Variants in BSN observed in about 807,000 individuals in gnomAD.
The protein encoded by BSN is bassoon presynaptic cytomatrix protein.
In BSN, 57 loss-of-function variants were observed where a neutral mutation model predicts 264.8. That is an observed-to-expected ratio of 0.22 (90% CI 0.17 to 0.27). The LOEUF is 0.27. Ranked by LOEUF, BSN falls within the 10% of genes least tolerant of loss-of-function variation. The pLI is 1.00. For synonymous variants in BSN, 2,059 were observed against 2,137.3 expected, an observed-to-expected ratio of 0.96 and a Z score of 1.01; for missense variants, 4,615 against 5,232.5, an observed-to-expected ratio of 0.88 and a Z score of 3.64.
rs535805005 is a variant in BSN, at chr3:49,563,253, G to C, written c.224+8427G>C. Among the ~76,000 whole-genome samples the C allele has an allele frequency of 7.5e-3, 1,148 of 152,310 alleles. 7 individuals carry two copies. The highest frequency in any genetic ancestry group is 0.012 in the Non-Finnish European group (813 of 68,020). On this transcript the variant is annotated intron_variant, in intron 1 of 11. Coordinates refer to ENST00000296452, the MANE Select transcript of BSN (RefSeq NM_003458.4). ...ACCTCTGGGTTGCTTCTGGTAGGCA[G>C]GGGCTCTCGGAAAACTGATGGCCTC...
chr3:49,606,607 G>C (rs2052154617), intron 1 of BSN, among the ~76,000 whole-genome samples: 1 of 151,894 alleles, frequency 6.6e-6, no homozygotes. Flanking sequence ...AGCTCCCAGT[G>C]AGGACCTGAC....
chr3:49,569,406 A>G (rs2051779568), intron 1 of BSN, among the ~76,000 whole-genome samples: 1 of 152,228 alleles, frequency 6.6e-6, no homozygotes, highest in Non-Finnish European at 1.5e-5. Flanking sequence ...AACATTGGAA[A>G]TGAAAGCACT....
chr3:49,657,370 G>A lies in BSN; in HGVS notation c.7814G>A (p.Arg2605Gln), dbSNP rs568652610. 1.3e-5 allele frequency: 21 copies of A among 1,613,314 alleles called. No homozygotes were observed. The highest frequency in any genetic ancestry group is 2.7e-5 in the African/African-American group (2 of 75,068). The change falls in exon 5 of 12, where the codon CGG becomes CAG. Residue 2605 changes from arginine (R) to glutamine (Q), a missense_variant. Coordinates refer to ENST00000296452, the MANE Select transcript of BSN (RefSeq NM_003458.4). The stretch of plus-strand genomic sequence containing the variant: ...CTCTTGAGTCGGCGACGCCGGGCAC[G>A]GCGGAGTGCTGACTGCAGTGTGCAG... ...RYLLSRRRRARRSADCSVQTD... is the reference protein window; with the variant it reads ...RYLLSRRRRAQRSADCSVQTD...
Position 49,554,560 on chromosome 3 carries a change from C to G in BSN, c.-43C>G, listed in dbSNP as rs1307554990. On this transcript the variant is annotated 5_prime_UTR_variant, in exon 1 of 12. Transcript: ENST00000296452. Reference sequence around the variant, plus strand: ...GAGCACCGCCCGGGAGCCGCCGGCCCGGGCGCAGCGCGACCCCGACCCCGC... The same window carrying G: ...GAGCACCGCCCGGGAGCCGCCGGCCGGGGCGCAGCGCGACCCCGACCCCGC... 2.5e-6 allele frequency: 2 copies of G among 801,186 alleles called. No homozygotes were observed. The highest frequency in any genetic ancestry group is 3.0e-6 in the Non-Finnish European group (2 of 661,972). 49.6% of individuals were successfully genotyped at this position (801,186 alleles called of 1,614,324 possible). A position where few individuals can be genotyped will look rare whatever the true frequency, so the allele number is the denominator to read the frequency against.
chr3:49,606,206 T>A, intron 1 of BSN, among the ~76,000 whole-genome samples: 1 of 62,672 alleles, frequency 1.6e-5, no homozygotes, highest in Non-Finnish European at 2.8e-5. Context: ...ACATATATTA[T>A]ATATGTATAT....
intron 1 of BSN, among the ~76,000 whole-genome samples, chr3:49,601,931 G>C (rs530696533): frequency 1.3e-5 from 2 of 152,326 alleles, no homozygotes; most frequent in Admixed American, 6.5e-5. Context: ...TGAGCTATAA[G>C]AGAAGCAGGA....
chr3:49,665,405 T>G (rs1191368011), intron 11 of BSN, 87 bp downstream of exon 11: 2 of 152,362 alleles, frequency 1.3e-5, no homozygotes, highest in Non-Finnish European at 2.9e-5. Flanking sequence ...TTCTGACAAG[T>G]GTGAACTGGG....
rs2052740429 is a variant in BSN, at chr3:49,669,534, C to G, written c.*2049C>G. On this transcript the variant is annotated 3_prime_UTR_variant, in exon 12 of 12. Coordinates refer to ENST00000296452, the MANE Select transcript of BSN (RefSeq NM_003458.4). ...AGAGAGGCAGAGGCAAGAGCAGAGC[C>G]AGGCTGTGCCCGAGGGACCCCAGCT... is the stretch of plus-strand genomic sequence containing the variant. 1 of 152,638 alleles carries G rather than the reference C, an allele frequency of 6.6e-6. No individual in the cohort carries two copies. Among genetic ancestry groups the G allele is most frequent in the Non-Finnish European group, 1.5e-5 (1 of 68,074 alleles). The allele number at this position is 152,638 out of a possible 1,614,324, so 9.5% of individuals were successfully genotyped here. A position where few individuals can be genotyped will look rare whatever the true frequency, so the allele number is the denominator to read the frequency against.
At chr3:49,641,294 C>G (rs1323805753) in intron 2 of BSN, among the ~76,000 whole-genome samples, 3 of 152,202 alleles carry the variant, frequency 2.0e-5, no homozygotes, top group African/African-American at 7.2e-5. Flanking sequence ...TTCTTAGCAT[C>G]TCTCTGTATG....
chr3:49,654,538 C>T lies in BSN; in HGVS notation c.4982C>T (p.Pro1661Leu). The T allele has an allele frequency of 6.2e-7, 1 of 1,610,726 alleles. No individual in the cohort carries two copies. The highest frequency in any genetic ancestry group is 8.5e-7 in the Non-Finnish European group (1 of 1,178,280). ...AGGGTTGAGCCAGGCCCCAGGACCCCTGGCACTGCAGTGGTAGACCTCCGT... is the reference window on the plus strand; with the variant it reads ...AGGGTTGAGCCAGGCCCCAGGACCCTTGGCACTGCAGTGGTAGACCTCCGT... ...TSRVEPGPRT[P>L]GTAVVDLRTA... The change falls in exon 5 of 12, where the codon CCT becomes CTT. Residue 1661 changes from proline to leucine, a missense_variant. Transcript: ENST00000296452. This position sits in a 1 kb window ranked among gnomAD's most constrained non-coding sequence, Gnocchi z 4.1.
At chr3:49,605,713 A>ATG (rs1366755470) in intron 1 of BSN, among the ~76,000 whole-genome samples, 28 of 58,680 alleles carry the variant, frequency 4.8e-4, no homozygotes, top group South Asian at 6.1e-4. Flanking sequence ...TATAAAATAT[A>ATG]TAACATATAA....
chr3:49,599,026 G>C (rs1274083935), intron 1 of BSN, among the ~76,000 whole-genome samples: 1 of 152,156 alleles, frequency 6.6e-6, no homozygotes, highest in South Asian at 2.1e-4. Context: ...GATTGCTTCT[G>C]AGAGGTTGGA....
At chr3:49,630,453 C>T (rs1446503690) in intron 2 of BSN, among the ~76,000 whole-genome samples, 7 of 152,234 alleles carry the variant, frequency 4.6e-5, no homozygotes, top group Non-Finnish European at 8.8e-5. Context: ...ACTCTCCAAA[C>T]TTTAGTCACT....
intron 1 of BSN, among the ~76,000 whole-genome samples, chr3:49,598,470 T>A (rs1055100837): frequency 3.9e-5 from 6 of 152,242 alleles, no homozygotes; most frequent in Non-Finnish European, 7.3e-5. Context: ...CAACAATTGA[T>A]GAAATCTTGT....
At chr3:49,594,071 C>T (rs375059904) in intron 1 of BSN, among the ~76,000 whole-genome samples, 28 of 152,168 alleles carry the variant, frequency 1.8e-4, no homozygotes, top group African/African-American at 6.0e-4. Flanking sequence ...GGATTACAGG[C>T]GTGAGCCACC....
At chr3:49,566,901 TG>T (rs1298015538) in intron 1 of BSN, among the ~76,000 whole-genome samples, 1 of 150,996 alleles carries the variant, frequency 6.6e-6, no homozygotes, top group Non-Finnish European at 1.5e-5. Flanking sequence ...CATTCACTAA[TG>T]ATCCTTAGCT....
At chr3:49,584,286 T>C (rs966691633) in intron 1 of BSN, among the ~76,000 whole-genome samples, 1 of 3,124 alleles carries the variant, frequency 3.2e-4, no homozygotes, top group Non-Finnish European at 5.6e-4. Flanking sequence ...GGCTTATTGA[T>C]TTTTTTTTTA....
At chr3:49,612,938 G>C (rs533992578) in intron 1 of BSN, among the ~76,000 whole-genome samples, 20 of 152,264 alleles carry the variant, frequency 1.3e-4, no homozygotes, top group African/African-American at 4.3e-4. Flanking sequence ...TTTCAGACCA[G>C]CCTGACCAAC....
chr3:49,579,767 A>T (rs1179116733), intron 1 of BSN, among the ~76,000 whole-genome samples: 2 of 107,868 alleles, frequency 1.9e-5, no homozygotes, highest in African/African-American at 2.8e-5. Context: ...CTAGTCTGTT[A>T]AATTTTTTTA....
Sources: allele counts gnomAD v4.1 joint callset (sites outside exome capture counted in the v4.1 genomes callset), GRCh38; gene constraint gnomAD v4.1.1; non-coding constraint Gnocchi (gnomAD v3.1); transcripts MANE v1.5; gene names NCBI Gene and HGNC (gene_info 2026-07-23, HGNC 2026-07-21).